The following ARB2A variants were observed in gnomAD, a reference collection of about 807,000 sequenced individuals.
ARB2A encodes cotranscriptional regulator ARB2A.
the ARB2A span, among the ~76,000 whole-genome samples, chr5:93,992,151 G>A: frequency 1.3e-5 from 2 of 151,938 alleles, no homozygotes; most frequent in Admixed American, 6.6e-5. Context: ...CCATCACCTG[G>A]AACTCTACAT....
At chr5:93,804,739 A>G in the ARB2A span, 1 of 321,620 alleles carries the variant, frequency 3.1e-6, no homozygotes, top group Non-Finnish European at 4.5e-6. Context: ...CAGAAATTAT[A>G]TACTTTTTAA....
chr5:93,832,092 C>A, the ARB2A span, among the ~76,000 whole-genome samples: 1 of 152,228 alleles, frequency 6.6e-6, no homozygotes, highest in East Asian at 1.9e-4. Context: ...GAAAAGGAAT[C>A]AACCTTGCTA....
chr5:93,976,000 T>C, the ARB2A span, among the ~76,000 whole-genome samples: 1 of 152,084 alleles, frequency 6.6e-6, no homozygotes, highest in Non-Finnish European at 1.5e-5. Context: ...AACAAAATAT[T>C]AGCAAATCGA....
the ARB2A span, among the ~76,000 whole-genome samples, chr5:93,697,457 A>G: frequency 6.4e-4 from 97 of 152,162 alleles, no homozygotes; most frequent in Admixed American, 9.2e-4. Flanking sequence ...AGACTGAATA[A>G]AAATCTCACC....
the ARB2A span, among the ~76,000 whole-genome samples, chr5:93,746,993 C>G: frequency 6.6e-6 from 1 of 152,162 alleles, no homozygotes; most frequent in Admixed American, 6.5e-5. Flanking sequence ...TAAGGATGTT[C>G]TTGCATTGAT....
the ARB2A span, among the ~76,000 whole-genome samples, chr5:93,998,280 T>C: frequency 2.0e-5 from 3 of 151,952 alleles, no homozygotes; most frequent in Non-Finnish European, 2.9e-5. Context: ...AGAAGGAGTA[T>C]CAATTAGCAC....
the ARB2A span, among the ~76,000 whole-genome samples, chr5:93,728,238 TATGAGAATAAAA>T: frequency 6.6e-6 from 1 of 152,052 alleles, no homozygotes. Flanking sequence ...TTTAATTTCA[TATGAGAATAAAA>T]TGCAGAAGAA....
the ARB2A span, among the ~76,000 whole-genome samples, chr5:93,745,363 T>C: frequency 6.6e-6 from 1 of 152,208 alleles, no homozygotes; most frequent in Admixed American, 6.5e-5. Context: ...AGCTAAGAGA[T>C]ATGGAACCAC....
chr5:93,968,550 A>C, the ARB2A span, among the ~76,000 whole-genome samples: 1 of 152,238 alleles, frequency 6.6e-6, no homozygotes, highest in Non-Finnish European at 1.5e-5. Flanking sequence ...AAAAGACAAT[A>C]CAGAATATTA....
At chr5:93,908,201 G>C in the ARB2A span, among the ~76,000 whole-genome samples, 1 of 150,916 alleles carries the variant, frequency 6.6e-6, no homozygotes, top group African/African-American at 2.4e-5. Flanking sequence ...TAAGAAAATA[G>C]AAAATTAGGC....
the ARB2A span, among the ~76,000 whole-genome samples, chr5:93,723,493 G>C: frequency 6.6e-6 from 1 of 152,046 alleles, no homozygotes; most frequent in African/African-American, 2.4e-5. Flanking sequence ...TCAAAGCTAA[G>C]ACACTAAAAG....
At chr5:94,063,922 A>G in the ARB2A span, among the ~76,000 whole-genome samples, 1 of 152,224 alleles carries the variant, frequency 6.6e-6, no homozygotes, top group Non-Finnish European at 1.5e-5. Flanking sequence ...CCAGATATCA[A>G]TGTAAATATA....
chr5:94,040,468 G>C, the ARB2A span, among the ~76,000 whole-genome samples: 1 of 151,288 alleles, frequency 6.6e-6, no homozygotes, highest in Non-Finnish European at 1.5e-5. Context: ...CTCGTCATTT[G>C]CATTAGGTAT....
At chr5:94,104,548 T>G in the ARB2A span, among the ~76,000 whole-genome samples, 2 of 151,886 alleles carry the variant, frequency 1.3e-5, no homozygotes, top group Non-Finnish European at 2.9e-5. Flanking sequence ...CTGGAAAAGA[T>G]AGATTGACAG....
the ARB2A span, among the ~76,000 whole-genome samples, chr5:94,045,606 G>A: frequency 6.6e-6 from 1 of 151,914 alleles, no homozygotes; most frequent in East Asian, 1.9e-4. Context: ...CACAAAATTA[G>A]GAACATTAAA....
the ARB2A span, among the ~76,000 whole-genome samples, chr5:93,903,049 T>A: frequency 2.6e-5 from 4 of 152,142 alleles, no homozygotes; most frequent in Non-Finnish European, 5.9e-5. Context: ...GAATTCAAGT[T>A]GGGCTAAAGA....
the ARB2A span, among the ~76,000 whole-genome samples, chr5:93,850,165 T>C: frequency 1.3e-5 from 2 of 152,174 alleles, no homozygotes; most frequent in Non-Finnish European, 2.9e-5. Flanking sequence ...TACATACAAA[T>C]GTGTGCATGT....
At chr5:93,898,630 A>G in the ARB2A span, among the ~76,000 whole-genome samples, 2 of 152,182 alleles carry the variant, frequency 1.3e-5, no homozygotes, top group South Asian at 4.1e-4. Flanking sequence ...AGTAAAAGAT[A>G]TTCATTTGGT....
the ARB2A span, among the ~76,000 whole-genome samples, chr5:93,978,453 A>G: frequency 6.6e-6 from 1 of 152,186 alleles, no homozygotes; most frequent in African/African-American, 2.4e-5. Flanking sequence ...GAATGAAATC[A>G]TGTCCTTTGC....
Sources: allele counts gnomAD v4.1 joint callset (sites outside exome capture counted in the v4.1 genomes callset), GRCh38; gene constraint gnomAD v4.1.1; transcripts MANE v1.5; gene names NCBI Gene and HGNC (gene_info 2026-07-23, HGNC 2026-07-21).